Variants in MCF2 observed in about 807,000 individuals in gnomAD.
MCF2 encodes the protein MCF.2 cell line derived transforming sequence, also known as proto-oncogene DBL.
MCF2 carries 44 observed loss-of-function variants against 82.5 expected under a neutral mutation model. The observed-to-expected ratio is 0.53, with a 90% CI of 0.42 to 0.69. The LOEUF (loss-of-function observed/expected upper bound fraction) is 0.69. Among genes scored for constraint, MCF2 ranks in the 30% least tolerant of loss-of-function variants. The probability of loss-of-function intolerance (pLI) is 0.00; values close to 1 mark genes in which losing one functional copy is unlikely to be tolerated. For missense variants in MCF2, 623 were observed against 663.1 expected, an observed-to-expected ratio of 0.94 and a Z score of 0.66; for synonymous variants, 217 against 224.9, an observed-to-expected ratio of 0.96 and a Z score of 0.32.
At chrX:139,693,720 C>T (rs1935325739) in intron 1 of MCF2, among the ~76,000 whole-genome samples, 1 of 111,478 alleles carries the variant, frequency 9.0e-6, no homozygotes, top group South Asian at 3.8e-4. Flanking sequence ...GGTAGTATGA[C>T]ATTAAGAATT....
In MCF2 at chrX:139,604,953, A is replaced by G. The variant is rs1451077750; in HGVS notation, c.1589T>C (p.Met530Thr). The G allele has an allele frequency of 1.7e-6, 2 of 1,187,823 alleles. No homozygotes were observed. The highest frequency in any genetic ancestry group is 2.3e-6 in the Non-Finnish European group (2 of 879,729). The change falls in exon 14 of 25, where the codon ATG (methionine) becomes ACG (threonine). Residue 530 changes from methionine to threonine, a missense_variant. Coordinates refer to ENST00000370576, the Ensembl canonical transcript of MCF2. ...CAGGAGAGGTGGCATAAGATCAAAC[A>G]TCTCTGGATTATCCATCTCCGCTCT...
chrX:139,582,827 A>T (rs1489286036), intron 24 of MCF2, among the ~76,000 whole-genome samples: 1 of 112,266 alleles, frequency 8.9e-6, no homozygotes, highest in Non-Finnish European at 1.9e-5. Flanking sequence ...TTCATAGATC[A>T]TCTACAGCAA....
intron 20 of MCF2, among the ~76,000 whole-genome samples, chrX:139,589,312 T>C (rs979651341): frequency 1.8e-5 from 2 of 112,258 alleles, no homozygotes; most frequent in Admixed American, 9.5e-5. Context: ...TAACAGCACA[T>C]TGACAACTCC....
chrX:139,659,364 A>G (rs1292861330), intron 1 of MCF2, among the ~76,000 whole-genome samples: 2 of 112,052 alleles, frequency 1.8e-5, no homozygotes, highest in Admixed American at 1.9e-4. Context: ...TTGAGTACAT[A>G]TCACCATTCC....
chrX:139,696,372 C>T (rs1452119456), intron 1 of MCF2, among the ~76,000 whole-genome samples: 2 of 102,869 alleles, frequency 1.9e-5, no homozygotes, highest in African/African-American at 3.7e-5. Flanking sequence ...CTCTCCTCTC[C>T]TCTCCTCTCT....
chrX:139,596,561 T>C, exon 19 of MCF2: 1 of 1,205,833 alleles, frequency 8.3e-7, no homozygotes, highest in Non-Finnish European at 1.1e-6. Flanking sequence ...TCCAACAGTG[T>C]TTAAAACTGT....
At chrX:139,595,048 A>C (rs1697183807) in intron 19 of MCF2, among the ~76,000 whole-genome samples, 1 of 110,112 alleles carries the variant, frequency 9.1e-6, no homozygotes, top group Admixed American at 9.7e-5. Flanking sequence ...CACCAGTTAG[A>C]ATGGCAATCA....
intron 24 of MCF2, among the ~76,000 whole-genome samples, chrX:139,584,784 G>C (rs781306011): frequency 8.9e-5 from 10 of 111,806 alleles, no homozygotes; most frequent in Non-Finnish European, 1.9e-4. Flanking sequence ...AAACACAGTG[G>C]TGAAGCTCTA....
chrX:139,628,183 T>C, intron 4 of MCF2, among the ~76,000 whole-genome samples: 1 of 111,756 alleles, frequency 8.9e-6, no homozygotes, highest in Non-Finnish European at 1.9e-5. Flanking sequence ...TCATACGTCA[T>C]TGCAGCACTA....
intron 19 of MCF2, among the ~76,000 whole-genome samples, chrX:139,595,785 G>T (rs990371897): frequency 1.5e-4 from 17 of 110,011 alleles, no homozygotes; most frequent in African/African-American, 5.3e-4. Flanking sequence ...AAGATGAAAT[G>T]CATTAGATGT....
exon 15 of MCF2, chrX:139,604,681 C>T: frequency 1.7e-6 from 2 of 1,165,266 alleles, no homozygotes; most frequent in African/African-American, 1.8e-5. Context: ...TTTAACTAAC[C>T]CTTTCCAGGA....
exon 9 of MCF2, chrX:139,616,388 G>A: frequency 8.5e-7 from 1 of 1,181,938 alleles, no homozygotes; most frequent in Non-Finnish European, 1.1e-6. Flanking sequence ...GTCTTGGAGA[G>A]CTTTCTGAGC....
At chrX:139,678,348 T>C (rs1170866749) in intron 1 of MCF2, among the ~76,000 whole-genome samples, 1 of 111,442 alleles carries the variant, frequency 9.0e-6, no homozygotes, top group African/African-American at 3.3e-5. Context: ...GATTCAAATC[T>C]TACACTGTTG....
intron 8 of MCF2, among the ~76,000 whole-genome samples, chrX:139,617,168 T>C (rs1471811704): frequency 9.0e-6 from 1 of 111,389 alleles, no homozygotes; most frequent in Non-Finnish European, 1.9e-5. Flanking sequence ...TTTAAAAATG[T>C]TCCAAGTACA....
chrX:139,599,723 G>A (rs147366907), intron 16 of MCF2, among the ~76,000 whole-genome samples: 9 of 111,532 alleles, frequency 8.1e-5, no homozygotes, highest in African/African-American at 2.9e-4. Context: ...AATGCAAAAC[G>A]GTGCAGTAAC....
intron 6 of MCF2, among the ~76,000 whole-genome samples, chrX:139,624,869 AC>A (rs1932667238): frequency 9.0e-6 from 1 of 111,410 alleles, no homozygotes; most frequent in Non-Finnish European, 1.9e-5. Context: ...CATGTGTGCA[AC>A]TTACACTCAA....
upstream of MCF2, chrX:139,642,913 C>T (rs1603298584): frequency 1.5e-6 from 1 of 686,978 alleles, no homozygotes; most frequent in East Asian, 1.1e-4. Flanking sequence ...TGGCTTTCTC[C>T]TCTGCGCAGT....
chrX:139,664,568 AC>A (rs1934455426), intron 1 of MCF2, among the ~76,000 whole-genome samples: 1 of 111,648 alleles, frequency 9.0e-6, no homozygotes, highest in African/African-American at 3.3e-5. Context: ...CTCCAGGGCA[AC>A]AGGTTTCCCT....
chrX:139,643,313 C>T (rs1362790873), upstream of MCF2, among the ~76,000 whole-genome samples: 3 of 111,570 alleles, frequency 2.7e-5, no homozygotes, highest in South Asian at 3.8e-4. Flanking sequence ...TGAAATAATA[C>T]ACCACAGGCA....
Sources: allele counts gnomAD v4.1 joint callset (sites outside exome capture counted in the v4.1 genomes callset), GRCh38; gene constraint gnomAD v4.1.1; transcripts MANE v1.5; gene names NCBI Gene and HGNC (gene_info 2026-07-23, HGNC 2026-07-21).